The following TNFSF18 variants were observed in gnomAD, a reference collection of about 807,000 sequenced individuals.
The protein encoded by TNFSF18 is TNF superfamily member 18.
A neutral mutation model predicts 9.6 loss-of-function variants in TNFSF18; 6 were observed. The observed-to-expected ratio is 0.63, with a 90% CI of 0.34 to 1.24. TNFSF18 has a LOEUF of 1.24. Among genes scored for constraint, TNFSF18 ranks in the 50% most tolerant of loss-of-function variants. The probability of loss-of-function intolerance (pLI) is 0.03; values close to 1 mark genes in which losing one functional copy is unlikely to be tolerated. For synonymous variants in TNFSF18, 68 were observed against 71.7 expected (o/e 0.95, Z 0.26); for missense variants, 210 against 201.0 (o/e 1.04, Z -0.27).
At position 173,050,708 on chromosome 1, in the gene TNFSF18, A is replaced by C. The variant is rs761471588; in HGVS notation, c.156+33T>G. ...AAACAAATAAATAGAGGATTATAGC[A>C]AATAGTAACCTTAGGTACAATTGCC... On this transcript the variant is annotated intron_variant, in intron 1 of 2. Transcript: ENST00000404377. 6 of 1,408,646 alleles carry C rather than the reference A, an allele frequency of 4.3e-6. No individual in the cohort carries two copies. In the African/African-American group the frequency reaches 8.7e-5, roughly 20 times the overall value. The allele number at this position is 1,408,646 out of a possible 1,614,324, so 87.3% of individuals were successfully genotyped here. A position where few individuals can be genotyped will look rare whatever the true frequency, so the allele number is the denominator to read the frequency against.
chr1:173,041,814 T>TTAA, intron 2 of TNFSF18, 101 bp from the exon 3 acceptor site: 4 of 1,030,944 alleles, frequency 3.9e-6, no homozygotes, highest in South Asian at 4.2e-5. Flanking sequence ...TACATGTTGT[T>TTAA]TCTTTACCTG....
chr1:173,045,664 C>T (rs1467065262), intron 1 of TNFSF18, among the ~76,000 whole-genome samples: 2 of 150,454 alleles, frequency 1.3e-5, no homozygotes, highest in African/African-American at 2.4e-5. Context: ...GTTGTTGTTA[C>T]GTTTTAATGT....
intron 1 of TNFSF18, 107 bp downstream of exon 1, chr1:173,050,633 TC>T: frequency 1.4e-6 from 1 of 740,074 alleles, no homozygotes; most frequent in Admixed American, 2.9e-5. Flanking sequence ...ACACATCTCT[TC>T]CTTCCAACTA....
At chr1:173,050,128 G>C (rs554021633) in intron 1 of TNFSF18, among the ~76,000 whole-genome samples, 2 of 152,202 alleles carry the variant, frequency 1.3e-5, no homozygotes, top group African/African-American at 4.8e-5. Flanking sequence ...ACATTTTATA[G>C]CTAGAAGAAA....
intron 1 of TNFSF18, among the ~76,000 whole-genome samples, chr1:173,048,311 T>C (rs1028820815): frequency 2.6e-5 from 4 of 152,208 alleles, no homozygotes; most frequent in Admixed American, 6.5e-5. Flanking sequence ...ATCAGTTGCT[T>C]TTGTAACCTC....
Position 173,041,672 on chromosome 1 carries a change from GA to G in TNFSF18, c.228del (p.Pro77LeufsTer3), listed in dbSNP as rs763759154. The G allele has an allele frequency of 3.7e-6, 6 of 1,612,526 alleles. No individual in the cohort carries two copies. The East Asian group carries it at 8.9e-5, about 24-fold the overall frequency. On this transcript the variant is annotated frameshift_variant, in exon 3 of 3. Transcript: ENST00000404377. LOFTEE classifies it low-confidence loss of function (END_TRUNC). The part of the protein sequence containing the change: ...PSKWQMASSE[P>X]PCVNKVSDWK... ...CAGTCAGACACCTTATTCACGCAAG[GA>G]GGTTCAGAAGATGCCATTTGCCATT...
Position 173,046,560 on chromosome 1 carries a change from C to T in TNFSF18, c.157-2591G>A, listed in dbSNP as rs111300822. On this transcript the variant is annotated intron_variant, in intron 1 of 2. Coordinates refer to ENST00000404377, the MANE Select transcript of TNFSF18 (RefSeq NM_005092.4). Reference sequence around the variant, plus strand: ...AAAAATAAAATAAATGCATTCACCACGTTATTAAAATATTTTACTTATTTT... The same window carrying T: ...AAAAATAAAATAAATGCATTCACCATGTTATTAAAATATTTTACTTATTTT... Among the ~76,000 whole-genome samples, 35 of 152,006 alleles carry T rather than the reference C, an allele frequency of 2.3e-4. No individual in the cohort carries two copies. The South Asian group carries it at 5.8e-3, about 25-fold the overall frequency.
chr1:173,040,466 T>G lies in TNFSF18; in HGVS notation c.*901A>C, dbSNP rs1664971784. ...TTGGCTATGCTATGCTATCACATTC[T>G]CATCACTAAAATTTTCCCCCAAATG... On this transcript the variant is annotated 3_prime_UTR_variant, in exon 3 of 3. Coordinates refer to ENST00000404377, the MANE Select transcript of TNFSF18 (RefSeq NM_005092.4). 6.6e-6 allele frequency: 1 copy of G among 152,164 alleles called. No individual in the cohort carries two copies. Among genetic ancestry groups the G allele is most frequent in the African/African-American group, 2.4e-5 (1 of 41,446 alleles). The allele number at this position is 152,164 out of a possible 1,614,324, so 9.4% of individuals were successfully genotyped here.
intron 1 of TNFSF18, among the ~76,000 whole-genome samples, chr1:173,047,176 G>A (rs189294360): frequency 9.2e-5 from 14 of 152,086 alleles, no homozygotes; most frequent in Admixed American, 3.3e-4. Context: ...GATTATAGGC[G>A]TGAGCCACTG....
At position 173,039,318 on chromosome 1, in the gene TNFSF18, G is replaced by A. The variant is rs1326154901; in HGVS notation, c.*2049C>T. ...ATTATAACATCAGGAAAATGTAAAG[G>A]TCACCTGTTGGTAGTCATCCCTCTA... On this transcript the variant is annotated 3_prime_UTR_variant, in exon 3 of 3. Coordinates refer to ENST00000404377, the MANE Select transcript of TNFSF18 (RefSeq NM_005092.4). Among the ~76,000 whole-genome samples the A allele has an allele frequency of 6.6e-6, 1 of 152,110 alleles. No individual in the cohort carries two copies. Among genetic ancestry groups the A allele is most frequent in the Non-Finnish European group, 1.5e-5 (1 of 68,020 alleles).
At position 173,041,499 on chromosome 1, in the gene TNFSF18, T is replaced by C. The variant is rs1271192224; in HGVS notation, c.402A>G (p.Gln134=). 9 of 1,613,580 alleles carry C rather than the reference T, an allele frequency of 5.6e-6. No homozygotes were observed. Among genetic ancestry groups the C allele is most frequent in the Non-Finnish European group, 7.6e-6 (9 of 1,179,628 alleles). ...GCAATTCATAAGTCCCTCCTACATT[T>C]TGGATTTTAGATTTGTTTGTTAGAG... The part of the protein sequence containing the change: ...IQTLTNKSKI[Q]NVGGTYELHV... The change falls in exon 3 of 3, where the codon CAA becomes CAG. Residue 134 remains glutamine (Q), a synonymous_variant. Transcript: ENST00000404377.
intron 2 of TNFSF18, among the ~76,000 whole-genome samples, chr1:173,043,699 C>T (rs1464080065): frequency 6.6e-6 from 1 of 152,144 alleles, no homozygotes; most frequent in Non-Finnish European, 1.5e-5. Context: ...AAGAGAGATG[C>T]TCATTCCTGG....
At chr1:173,046,565 T>C (rs1355250813) in intron 1 of TNFSF18, among the ~76,000 whole-genome samples, 2 of 152,214 alleles carry the variant, frequency 1.3e-5, no homozygotes, top group Non-Finnish European at 2.9e-5. Context: ...CACCACGTTA[T>C]TAAAATATTT....
rs910185408 is a variant in TNFSF18 at position 173,039,370 on chromosome 1, C to A, written c.*1997G>T. On this transcript the variant is annotated 3_prime_UTR_variant, in exon 3 of 3. Coordinates refer to ENST00000404377, the MANE Select transcript of TNFSF18 (RefSeq NM_005092.4). ...CTGCAGCTGTAGTAACCTCTGCTTG[C>A]CCTGAGAAATCACCAGTATGCCAAA... 3.9e-5 allele frequency among the ~76,000 whole-genome samples: 6 copies of A among 152,092 alleles called. No individual in the cohort carries two copies. The highest frequency in any genetic ancestry group is 8.8e-5 in the Non-Finnish European group (6 of 68,026).
chr1:173,041,873 T>C (rs553832951), intron 2 of TNFSF18, among the ~76,000 whole-genome samples, 160 bp from the exon 3 acceptor site: 1 of 152,214 alleles, frequency 6.6e-6, no homozygotes. Context: ...TAAGTACCTA[T>C]CTACTCCTTG....
chr1:173,045,606 G>A (rs914239557), intron 1 of TNFSF18, among the ~76,000 whole-genome samples: 3 of 151,768 alleles, frequency 2.0e-5, no homozygotes, highest in African/African-American at 4.8e-5. Context: ...GTGGAGTTTG[G>A]ATGAGGATGA....
intron 2 of TNFSF18, among the ~76,000 whole-genome samples, chr1:173,043,205 C>G (rs1334097082): frequency 1.3e-5 from 2 of 151,972 alleles, no homozygotes; most frequent in African/African-American, 4.8e-5. Context: ...AGGACATTTT[C>G]TAATTCCCAC....
At chr1:173,043,898 A>C in intron 2 of TNFSF18, 41 bp downstream of exon 2, 1 of 1,584,674 alleles carries the variant, frequency 6.3e-7, no homozygotes, top group Non-Finnish European at 8.7e-7. Flanking sequence ...CTTGCATCAA[A>C]AACTAAGAAA....
chr1:173,043,844 T>C, intron 2 of TNFSF18, 95 bp downstream of exon 2: 1 of 1,145,520 alleles, frequency 8.7e-7, no homozygotes, highest in East Asian at 2.3e-5. Context: ...CAGAAATGAA[T>C]AAAAGAAAAT....
Sources: gnomAD v4.1 joint callset for allele counts (sites outside exome capture counted in the v4.1 genomes callset) on GRCh38, gnomAD v4.1.1 for gene constraint, MANE v1.5 for transcripts, NCBI Gene and HGNC (gene_info 2026-07-23, HGNC 2026-07-21) for gene names.